The following SUMF1 variants were observed in gnomAD, a reference collection of about 807,000 sequenced individuals.
SUMF1 encodes the protein sulfatase modifying factor 1.
Under a neutral mutation model 47.6 loss-of-function variants are expected in SUMF1, and 48 were observed. The observed-to-expected ratio is 1.01, with a 90% CI of 0.80 to 1.28. SUMF1 has a LOEUF of 1.28. Among genes scored for constraint, SUMF1 ranks in the 50% most tolerant of loss-of-function variants. The pLI is 0.00. For synonymous variants in SUMF1, 230 were observed against 192.1 expected, an observed-to-expected ratio of 1.20 and a Z score of -1.63; for missense variants, 571 against 485.4, an observed-to-expected ratio of 1.18 and a Z score of -1.66.
chr3:4,260,594 C>T (rs1431444253), intron 8 of SUMF1, among the ~76,000 whole-genome samples: 5 of 152,080 alleles, frequency 3.3e-5, no homozygotes, highest in East Asian at 3.9e-4. Flanking sequence ...TGAACAGATG[C>T]TGGCTATGGT....
At chr3:4,158,909 G>A (rs556835271) in intron 8 of SUMF1, among the ~76,000 whole-genome samples, 28 of 151,510 alleles carry the variant, frequency 1.8e-4, no homozygotes, top group African/African-American at 5.6e-4. Context: ...GCAACAGATC[G>A]TTGAGTCTCT....
chr3:4,377,612 C>A (rs991165528), intron 7 of SUMF1, among the ~76,000 whole-genome samples: 1 of 152,092 alleles, frequency 6.6e-6, no homozygotes, highest in South Asian at 2.1e-4. Flanking sequence ...CTACACAGAG[C>A]CAGTATAATG....
chr3:4,059,501 C>A (rs1160583240), intron 9 of SUMF1, among the ~76,000 whole-genome samples: 1 of 152,146 alleles, frequency 6.6e-6, no homozygotes, highest in African/African-American at 2.4e-5. Flanking sequence ...CTGCCTATGA[C>A]TGAATACACA....
At chr3:4,183,489 CAGG>C (rs1312133067) in intron 8 of SUMF1, among the ~76,000 whole-genome samples, 5 of 152,022 alleles carry the variant, frequency 3.3e-5, no homozygotes, top group African/African-American at 1.2e-4. Context: ...AATTTGGAGA[CAGG>C]AGGAAAATTG....
chr3:4,350,340 T>TGC, intron 8 of SUMF1, among the ~76,000 whole-genome samples: 1 of 145,848 alleles, frequency 6.9e-6, no homozygotes, highest in Admixed American at 6.9e-5. Flanking sequence ...TGCGTGTGTG[T>TGC]GTGTGTGTGT....
At chr3:4,182,475 A>G (rs1396777364) in intron 8 of SUMF1, among the ~76,000 whole-genome samples, 1 of 151,474 alleles carries the variant, frequency 6.6e-6, no homozygotes, top group East Asian at 1.9e-4. Flanking sequence ...CCTTAAGGAA[A>G]AAAGAAACTT....
chr3:4,160,102 G>T (rs1333710176), intron 8 of SUMF1, among the ~76,000 whole-genome samples: 1 of 151,898 alleles, frequency 6.6e-6, no homozygotes, highest in African/African-American at 2.4e-5. Context: ...TATCTCTCTA[G>T]GTTTGGAAAA....
intron 8 of SUMF1, among the ~76,000 whole-genome samples, chr3:4,264,172 G>T (rs1697142209): frequency 6.6e-6 from 1 of 152,134 alleles, no homozygotes; most frequent in Admixed American, 6.5e-5. Context: ...ATTGGGAGTA[G>T]AGTTAAAAAT....
At chr3:4,317,098 G>A in intron 8 of SUMF1, 1 of 1,547,620 alleles carries the variant, frequency 6.5e-7, no homozygotes, top group Non-Finnish European at 8.7e-7. Flanking sequence ...TTTTTGCAGG[G>A]AAAACGCTTC....
chr3:4,449,368 C>T, intron 2 of SUMF1, 28 bp from the exon 3 acceptor site: 4 of 1,611,642 alleles, frequency 2.5e-6, no homozygotes, highest in Non-Finnish European at 3.4e-6. Context: ...AATAAAAATC[C>T]AGAAAAGGTT....
intron 3 of SUMF1, among the ~76,000 whole-genome samples, chr3:4,425,582 G>T (rs1244698430): frequency 6.6e-6 from 1 of 152,134 alleles, no homozygotes; most frequent in Non-Finnish European, 1.5e-5. Flanking sequence ...GGTGAAGGAA[G>T]TATTGGAACA....
intron 8 of SUMF1, among the ~76,000 whole-genome samples, chr3:4,174,558 T>C (rs143972721): frequency 5.3e-5 from 1 of 18,712 alleles, no homozygotes; most frequent in Non-Finnish European, 1.4e-4. Flanking sequence ...CACACACACA[T>C]GGGGGGCGTT....
At chr3:4,178,727 A>G (rs938366619) in intron 8 of SUMF1, among the ~76,000 whole-genome samples, 1 of 152,210 alleles carries the variant, frequency 6.6e-6, no homozygotes, top group African/African-American at 2.4e-5. Context: ...AGGGTATTCA[A>G]TTAGGAAATG....
At chr3:4,112,881 C>G (rs908273032) in intron 8 of SUMF1, among the ~76,000 whole-genome samples, 5 of 152,126 alleles carry the variant, frequency 3.3e-5, no homozygotes, top group South Asian at 2.1e-4. Context: ...ATGGTGCTAG[C>G]TAGCCCACAG....
intron 8 of SUMF1, among the ~76,000 whole-genome samples, chr3:4,159,024 T>C (rs1694515084): frequency 1.3e-5 from 2 of 151,578 alleles, no homozygotes; most frequent in African/African-American, 4.9e-5. Flanking sequence ...TCTTGAAAAG[T>C]TGTTGCAGTT....
intron 8 of SUMF1, among the ~76,000 whole-genome samples, chr3:4,352,015 C>T (rs1044479404): frequency 1.3e-5 from 2 of 152,120 alleles, no homozygotes; most frequent in Non-Finnish European, 2.9e-5. Flanking sequence ...GACAGTCTGG[C>T]TCCAGAGCCC....
intron 9 of SUMF1, among the ~76,000 whole-genome samples, chr3:4,053,707 G>A (rs1208522722): frequency 6.6e-6 from 1 of 152,068 alleles, no homozygotes; most frequent in Non-Finnish European, 1.5e-5. Flanking sequence ...TTTTGAAGTG[G>A]AAGGAAATTA....
chr3:4,261,949 G>C (rs1357110085), intron 8 of SUMF1, among the ~76,000 whole-genome samples: 1 of 152,150 alleles, frequency 6.6e-6, no homozygotes, highest in Non-Finnish European at 1.5e-5. Flanking sequence ...ATTTTAGCCA[G>C]ATTTCACTAA....
intron 8 of SUMF1, among the ~76,000 whole-genome samples, chr3:4,270,640 G>A (rs547294384): frequency 2.0e-5 from 3 of 152,274 alleles, no homozygotes; most frequent in Non-Finnish European, 2.9e-5. Context: ...TCAAAAAATA[G>A]CATTAAACTT....
Sources: allele counts gnomAD v4.1 joint callset (sites outside exome capture counted in the v4.1 genomes callset), GRCh38; gene constraint gnomAD v4.1.1; transcripts MANE v1.5; gene names NCBI Gene and HGNC (gene_info 2026-07-23, HGNC 2026-07-21).